The following LHFPL3 variants were observed in gnomAD, a reference collection of about 807,000 sequenced individuals.
LHFPL3 encodes LHFPL tetraspan subfamily member 3 protein.
LHFPL3 carries 5 observed loss-of-function variants against 19.3 expected under a neutral mutation model. That is an observed-to-expected ratio of 0.26 (90% CI 0.14 to 0.54). The LOEUF is 0.54. Among genes scored for constraint, LHFPL3 ranks in the 20% least tolerant of loss-of-function variants. The pLI is 0.94. For missense variants in LHFPL3, 249 were observed against 307.4 expected, an observed-to-expected ratio of 0.81 and a Z score of 1.42; for synonymous variants, 133 against 126.2, an observed-to-expected ratio of 1.05 and a Z score of -0.36.
At chr7:104,620,575 G>A (rs142091112) in intron 1 of LHFPL3, among the ~76,000 whole-genome samples, 101 of 151,910 alleles carry the variant, frequency 6.6e-4, no homozygotes, top group Non-Finnish European at 1.2e-3. Context: ...AGCCTTTTTC[G>A]TTGCCTTATC....
Position 104,864,408 on chromosome 7 carries a change from AC to A in LHFPL3, c.683-41778del, listed in dbSNP as rs1791679746. ...CAGATGGCACCTGGAAAATCAGGTC[AC>A]TCCCACCCTAATACTGCACTTTTCC... is the stretch of plus-strand genomic sequence containing the variant. On this transcript the variant is annotated intron_variant, in intron 2 of 2. Coordinates refer to ENST00000424859, the MANE Select transcript of LHFPL3 (RefSeq NM_199000.3). Among the ~76,000 whole-genome samples, 9 of 151,860 alleles carry A rather than the reference AC, an allele frequency of 5.9e-5. No individual in the cohort carries two copies. In the South Asian group the frequency reaches 1.9e-3, roughly 32 times the overall value.
chr7:104,430,431 TATATATATATATATATA>T (rs1791965680), intron 1 of LHFPL3, among the ~76,000 whole-genome samples: 1 of 12,434 alleles, frequency 8.0e-5, no homozygotes, highest in Non-Finnish European at 1.7e-4. Context: ...TATATATATA[TATATATATATATATATA>T]TATATATTTT....
intron 1 of LHFPL3, among the ~76,000 whole-genome samples, chr7:104,560,961 G>A (rs1447228623): frequency 8.7e-5 from 13 of 149,812 alleles, no homozygotes; most frequent in Non-Finnish European, 1.8e-4. Flanking sequence ...TTCAGGAGCA[G>A]GTTGTTCAGT....
intron 2 of LHFPL3, among the ~76,000 whole-genome samples, chr7:104,764,434 G>A (rs538708097): frequency 2.6e-5 from 4 of 152,252 alleles, no homozygotes; most frequent in Non-Finnish European, 4.4e-5. Context: ...GCCTCCCAAA[G>A]TGCTAGGATT....
At chr7:104,869,914 A>T (rs2116656462) in intron 2 of LHFPL3, among the ~76,000 whole-genome samples, 1 of 152,364 alleles carries the variant, frequency 6.6e-6, no homozygotes, top group South Asian at 2.1e-4. Context: ...TGCAGCCATA[A>T]AAAATGATGA....
chr7:104,466,040 GT>G, intron 1 of LHFPL3, among the ~76,000 whole-genome samples: 2 of 152,308 alleles, frequency 1.3e-5, no homozygotes, highest in East Asian at 3.9e-4. Flanking sequence ...TATATATTAT[GT>G]TGTTTTTGGG....
chr7:104,424,100 T>C (rs982975562), intron 1 of LHFPL3, among the ~76,000 whole-genome samples: 5 of 152,244 alleles, frequency 3.3e-5, no homozygotes, highest in African/African-American at 1.2e-4. Context: ...AATTAGGCTT[T>C]GTGTTCTCTC....
intron 1 of LHFPL3, among the ~76,000 whole-genome samples, chr7:104,445,311 T>C (rs1792310489): frequency 1.3e-5 from 2 of 152,200 alleles, no homozygotes; most frequent in African/African-American, 4.8e-5. Flanking sequence ...AGGACATCAG[T>C]TCTGGAATCA....
intron 1 of LHFPL3, among the ~76,000 whole-genome samples, chr7:104,349,728 A>G (rs1264506183): frequency 6.6e-6 from 1 of 152,254 alleles, no homozygotes; most frequent in Non-Finnish European, 1.5e-5. Flanking sequence ...TAATTTTAAA[A>G]AAGTAACATT....
chr7:104,662,620 ATGAC>A (rs1242449294), intron 1 of LHFPL3, among the ~76,000 whole-genome samples: 1 of 152,230 alleles, frequency 6.6e-6, no homozygotes, highest in African/African-American at 2.4e-5. Context: ...TATTGGATGA[ATGAC>A]ACAAACAAAT....
chr7:104,859,823 CTA>C (rs1407064209), intron 2 of LHFPL3, among the ~76,000 whole-genome samples: 5 of 152,104 alleles, frequency 3.3e-5, no homozygotes, highest in Non-Finnish European at 5.9e-5. Context: ...AAAGTGTACT[CTA>C]ATGTGGACTA....
chr7:104,508,128 TA>T (rs1406152233), intron 1 of LHFPL3, among the ~76,000 whole-genome samples: 5 of 151,918 alleles, frequency 3.3e-5, no homozygotes, highest in Admixed American at 2.6e-4. Flanking sequence ...CAAAGGACTA[TA>T]AATCATGCTG....
chr7:104,562,937 T>C (rs994785347), intron 1 of LHFPL3, among the ~76,000 whole-genome samples: 1 of 152,118 alleles, frequency 6.6e-6, no homozygotes, highest in African/African-American at 2.4e-5. Flanking sequence ...TGGAGTACCC[T>C]GCCGTGTGAG....
chr7:104,354,521 AT>A (rs1482473452), intron 1 of LHFPL3, among the ~76,000 whole-genome samples: 2 of 152,166 alleles, frequency 1.3e-5, no homozygotes, highest in East Asian at 1.9e-4. Context: ...GCATCCCCTC[AT>A]CCCCACTGGC....
intron 1 of LHFPL3, among the ~76,000 whole-genome samples, chr7:104,734,933 A>G (rs1793777020): frequency 6.6e-6 from 1 of 152,082 alleles, no homozygotes; most frequent in Non-Finnish European, 1.5e-5. Flanking sequence ...TTTTCCTTTT[A>G]ACAGTCAGGA....
At chr7:104,648,298 T>C (rs1427111466) in intron 1 of LHFPL3, among the ~76,000 whole-genome samples, 1 of 152,206 alleles carries the variant, frequency 6.6e-6, no homozygotes, top group Non-Finnish European at 1.5e-5. Flanking sequence ...AGCCCTGTGC[T>C]CAGACGCTTT....
intron 2 of LHFPL3, among the ~76,000 whole-genome samples, chr7:104,750,358 G>T (rs2116342038): frequency 6.6e-6 from 1 of 152,184 alleles, no homozygotes; most frequent in East Asian, 1.9e-4. Flanking sequence ...AGCCTTTCCT[G>T]TCGGATCAGT....
At chr7:104,866,429 A>G (rs145371559) in intron 2 of LHFPL3, among the ~76,000 whole-genome samples, 3,975 of 152,246 alleles carry the variant, frequency 0.026, 85 homozygotes, top group Middle Eastern at 0.061. Context: ...TGCAATCCTA[A>G]TCTCTGATAA....
chr7:104,867,706 G>A (rs920260097), intron 2 of LHFPL3, among the ~76,000 whole-genome samples: 1 of 152,110 alleles, frequency 6.6e-6, no homozygotes. Flanking sequence ...GAAAAAGAGG[G>A]AATCCTCCCT....
Sources: gnomAD v4.1 joint callset for allele counts (sites outside exome capture counted in the v4.1 genomes callset) on GRCh38, gnomAD v4.1.1 for gene constraint, MANE v1.5 for transcripts, NCBI Gene and HGNC (gene_info 2026-07-23, HGNC 2026-07-21) for gene names.